MAPK8: variants seen among roughly 807,000 people sequenced by gnomAD.
The protein encoded by MAPK8 is mitogen-activated protein kinase 8, also known as JUN N-terminal kinase.
A neutral mutation model predicts 52.9 loss-of-function variants in MAPK8; 13 were observed. The ratio of observed to expected loss-of-function variants is 0.25; its 90% confidence interval spans 0.16 to 0.39. The LOEUF (loss-of-function observed/expected upper bound fraction) is 0.39, where lower values mean the gene tolerates loss of function less well. Among genes scored for constraint, MAPK8 ranks in the 10% least tolerant of loss-of-function variants. MAPK8 has a pLI of 1.00. For missense variants in MAPK8, 300 were observed against 519.2 expected (o/e 0.58, Z 4.10); for synonymous variants, 191 against 169.8 (o/e 1.12, Z -0.97).
intron 3 of MAPK8, among the ~76,000 whole-genome samples, chr10:48,405,710 T>G (rs775762470): frequency 9.2e-5 from 14 of 152,236 alleles, no homozygotes; most frequent in Non-Finnish European, 1.9e-4. Flanking sequence ...TAAGGGACAC[T>G]TTTAGGCAGT....
intron 1 of MAPK8, among the ~76,000 whole-genome samples, chr10:48,314,421 T>G (rs1842298106): frequency 6.6e-6 from 1 of 152,210 alleles, no homozygotes; most frequent in Admixed American, 6.5e-5. Context: ...CATAACATCA[T>G]TATACTGGTA....
At chr10:48,431,956 G>A (rs1025130368) in intron 11 of MAPK8, among the ~76,000 whole-genome samples, 3 of 152,134 alleles carry the variant, frequency 2.0e-5, no homozygotes, top group African/African-American at 7.2e-5. Flanking sequence ...TTGCACACAT[G>A]TTATGGATGA....
At chr10:48,325,203 T>C (rs1249202131) in intron 1 of MAPK8, among the ~76,000 whole-genome samples, 2 of 152,206 alleles carry the variant, frequency 1.3e-5, no homozygotes, top group African/African-American at 4.8e-5. Flanking sequence ...CTCGAACTCC[T>C]GACCTCAAGT....
intron 6 of MAPK8, 80 bp downstream of exon 6, chr10:48,420,400 A>G (rs758010009): frequency 7.7e-6 from 10 of 1,302,254 alleles, no homozygotes; most frequent in Non-Finnish European, 1.1e-5. Flanking sequence ...GTAAATACTT[A>G]AGCAGAAGTA....
At chr10:48,353,015 G>A (rs1311567503) in intron 1 of MAPK8, among the ~76,000 whole-genome samples, 1 of 152,088 alleles carries the variant, frequency 6.6e-6, no homozygotes, top group Non-Finnish European at 1.5e-5. Context: ...AAAAAAAAGT[G>A]AAATACCTAG....
intron 1 of MAPK8, among the ~76,000 whole-genome samples, chr10:48,357,389 GTTCATCA>G (rs1238885954): frequency 6.6e-6 from 1 of 152,110 alleles, no homozygotes; most frequent in Non-Finnish European, 1.5e-5. Flanking sequence ...ATACCAGAGA[GTTCATCA>G]TTTTTGTTTG....
chr10:48,337,841 A>T (rs766481472), intron 1 of MAPK8, among the ~76,000 whole-genome samples: 5 of 152,172 alleles, frequency 3.3e-5, no homozygotes, highest in Non-Finnish European at 5.9e-5. Flanking sequence ...CAAACTAGAA[A>T]ATTTAGAGGA....
In MAPK8 at chr10:48,409,870, T is replaced by C; in HGVS notation, c.253-9T>C. On this transcript the variant is annotated splice_polypyrimidine_tract_variant and intron_variant, in intron 3 of 11. Transcript: ENST00000374189. ...TTCTAATTTTTCTGTCTCTCGACTT[T>C]TATTATAGATAATTGGCCTTTTGAA... The C allele has an allele frequency of 1.3e-6, 2 of 1,593,182 alleles. No homozygotes were observed. Among genetic ancestry groups the C allele is most frequent in the Non-Finnish European group, 8.6e-7 (1 of 1,164,646 alleles).
chr10:48,338,238 A>G (rs949623274), intron 1 of MAPK8, among the ~76,000 whole-genome samples: 1 of 152,210 alleles, frequency 6.6e-6, no homozygotes, highest in Non-Finnish European at 1.5e-5. Flanking sequence ...CTAGCAGCAC[A>G]TAAAAAAGAT....
chr10:48,394,934 AAAATAT>A (rs1243063258), intron 1 of MAPK8, among the ~76,000 whole-genome samples: 1 of 151,916 alleles, frequency 6.6e-6, no homozygotes, highest in Non-Finnish European at 1.5e-5. Flanking sequence ...AATTAAAATA[AAAATAT>A]TAGCATTCAA....
intron 5 of MAPK8, among the ~76,000 whole-genome samples, chr10:48,411,831 C>T (rs2042768244): frequency 7.3e-6 from 1 of 136,668 alleles, no homozygotes; most frequent in Admixed American, 7.3e-5. Flanking sequence ...CTCCCTTCCC[C>T]TTCCTTCCTT....
At chr10:48,362,688 C>G (rs1465159331) in intron 1 of MAPK8, among the ~76,000 whole-genome samples, 1 of 151,502 alleles carries the variant, frequency 6.6e-6, no homozygotes, top group Non-Finnish European at 1.5e-5. Context: ...TAAGTGGATT[C>G]CACTGTATCA....
At chr10:48,352,677 A>G (rs1846451955) in intron 1 of MAPK8, among the ~76,000 whole-genome samples, 1 of 152,212 alleles carries the variant, frequency 6.6e-6, no homozygotes, top group Non-Finnish European at 1.5e-5. Context: ...TGAAAGACTG[A>G]ATGCTTTCCC....
At chr10:48,413,817 A>ATATATT (rs1201155019) in intron 5 of MAPK8, among the ~76,000 whole-genome samples, 48 of 55,452 alleles carry the variant, frequency 8.7e-4, no homozygotes, top group South Asian at 1.5e-3. Flanking sequence ...CAGAATTGTT[A>ATATATT]TATATATATA....
At chr10:48,369,800 G>A (rs1848385834) in intron 1 of MAPK8, among the ~76,000 whole-genome samples, 2 of 152,122 alleles carry the variant, frequency 1.3e-5, no homozygotes, top group South Asian at 4.1e-4. Context: ...AGGAGAATGT[G>A]GTGAAAGTGT....
intron 1 of MAPK8, among the ~76,000 whole-genome samples, chr10:48,385,135 TAGTC>T (rs944859108): frequency 6.6e-6 from 1 of 152,192 alleles, no homozygotes; most frequent in Non-Finnish European, 1.5e-5. Flanking sequence ...TGGGGTCAGT[TAGTC>T]TAGAGCTTCC....
intron 10 of MAPK8, chr10:48,430,845 C>A: frequency 3.7e-6 from 1 of 273,206 alleles, no homozygotes; most frequent in Non-Finnish European, 6.8e-6. Flanking sequence ...TCAAGCCCTC[C>A]CTGAGACAGA....
At chr10:48,327,823 G>A (rs1024376022) in intron 1 of MAPK8, among the ~76,000 whole-genome samples, 3 of 152,092 alleles carry the variant, frequency 2.0e-5, no homozygotes, top group Non-Finnish European at 4.4e-5. Flanking sequence ...GTTTGTTCAG[G>A]TTATCTGTTT....
intron 1 of MAPK8, among the ~76,000 whole-genome samples, chr10:48,315,595 A>T (rs1842419886): frequency 8.3e-6 from 1 of 120,780 alleles, no homozygotes; most frequent in Non-Finnish European, 1.8e-5. Context: ...TGTTTTATAT[A>T]TTTAAGTTTT....
Sources: allele counts gnomAD v4.1 joint callset (sites outside exome capture counted in the v4.1 genomes callset), GRCh38; gene constraint gnomAD v4.1.1; transcripts MANE v1.5; gene names NCBI Gene and HGNC (gene_info 2026-07-23, HGNC 2026-07-21).